The following MAN2A1 variants were observed in gnomAD, a reference collection of about 807,000 sequenced individuals.
MAN2A1 encodes mannosidase alpha class 2A member 1, also known as alpha-mannosidase 2.
MAN2A1 carries 76 observed loss-of-function variants against 142.6 expected under a neutral mutation model. The ratio of observed to expected loss-of-function variants is 0.53; its 90% CI spans 0.44 to 0.65. The LOEUF is 0.65. MAN2A1 is among the 30% of genes least tolerant of loss of function. The probability of loss-of-function intolerance (pLI) is 0.00; values close to 1 mark genes in which losing one functional copy is unlikely to be tolerated. For synonymous variants in MAN2A1, 559 were observed against 473.2 expected (o/e 1.18, Z -2.35); for missense variants, 1,311 against 1,365.1 (o/e 0.96, Z 0.62).
chr5:109,753,915 CTT>C (rs112976223), intron 4 of MAN2A1, among the ~76,000 whole-genome samples: 2 of 144,176 alleles, frequency 1.4e-5, no homozygotes, highest in Non-Finnish European at 1.5e-5. Context: ...TTTTCTTTTT[CTT>C]TTTTTTTTTG....
At chr5:109,713,830 A>G in intron 2 of MAN2A1, 56 bp downstream of exon 2, 1 of 1,506,726 alleles carries the variant, frequency 6.6e-7, no homozygotes, top group Non-Finnish European at 9.0e-7. Flanking sequence ...GTTCTTTTTA[A>G]GATTTGACCT....
At chr5:109,804,201 G>T in intron 12 of MAN2A1, 1 of 987,132 alleles carries the variant, frequency 1.0e-6, no homozygotes, top group Non-Finnish European at 1.2e-6. Context: ...GGATTTTAGT[G>T]AAGGTATCCT....
chr5:109,789,012 AT>A lies in MAN2A1; in HGVS notation c.1840del (p.Tyr614ThrfsTer14). Reference sequence around the variant, plus strand: ...TTCTTATTTTGAAGGACAAACTCACATACGACTCTTACTCTCCTGATACCTT... The same window carrying A: ...TTCTTATTTTGAAGGACAAACTCACAACGACTCTTACTCTCCTGATACCTT... ...FLLILKDKLTYDSYSPDTFLE... is the reference protein window; with the variant it reads ...FLLILKDKLTXDSYSPDTFLE... On this transcript the variant is annotated frameshift_variant, in exon 11 of 22. Transcript: ENST00000261483. LOFTEE classifies it high-confidence loss of function. 1 of 1,601,512 alleles carries A rather than the reference AT, an allele frequency of 6.2e-7. No individual in the cohort carries two copies. Among genetic ancestry groups the A allele is most frequent in the Non-Finnish European group, 8.5e-7 (1 of 1,170,076 alleles).
At chr5:109,732,455 G>A (rs1751943051) in intron 4 of MAN2A1, among the ~76,000 whole-genome samples, 2 of 152,146 alleles carry the variant, frequency 1.3e-5, no homozygotes, top group Admixed American at 6.5e-5. Flanking sequence ...TGTCCTGAAT[G>A]GTAATGCCTA....
At chr5:109,808,278 A>G (rs1308288898) in intron 12 of MAN2A1, among the ~76,000 whole-genome samples, 1 of 152,214 alleles carries the variant, frequency 6.6e-6, no homozygotes, top group Non-Finnish European at 1.5e-5. Context: ...TTTTTCTAAT[A>G]AACACGTAAC....
At chr5:109,783,583 A>AAC (rs1753516679) in intron 9 of MAN2A1, among the ~76,000 whole-genome samples, 1 of 152,146 alleles carries the variant, frequency 6.6e-6, no homozygotes, top group Admixed American at 6.6e-5. Context: ...GTTTAGAGAA[A>AAC]TGCATCATTT....
intron 16 of MAN2A1, among the ~76,000 whole-genome samples, chr5:109,839,193 T>C (rs1755133931): frequency 6.6e-6 from 1 of 152,224 alleles, no homozygotes; most frequent in African/African-American, 2.4e-5. Context: ...TTTTGTGTTT[T>C]GGATGTTTTT....
intron 12 of MAN2A1, among the ~76,000 whole-genome samples, chr5:109,802,298 G>A (rs1171302585): frequency 6.6e-6 from 1 of 152,100 alleles, no homozygotes; most frequent in Non-Finnish European, 1.5e-5. Flanking sequence ...CTGTGCATAT[G>A]TGGCATATTA....
intron 4 of MAN2A1, among the ~76,000 whole-genome samples, chr5:109,741,468 AT>A (rs1230018351): frequency 7.2e-5 from 11 of 152,222 alleles, no homozygotes; most frequent in Admixed American, 3.9e-4. Flanking sequence ...TTACTAATAG[AT>A]TTTTTTGTGT....
chr5:109,737,306 G>A (rs951704259), intron 4 of MAN2A1, among the ~76,000 whole-genome samples: 1 of 151,908 alleles, frequency 6.6e-6, no homozygotes, highest in African/African-American at 2.4e-5. Flanking sequence ...TGGCCAGGCT[G>A]GTCTTGAACT....
At chr5:109,781,963 T>C (rs147170318) in intron 9 of MAN2A1, among the ~76,000 whole-genome samples, 4 of 152,134 alleles carry the variant, frequency 2.6e-5, no homozygotes, top group Admixed American at 6.6e-5. Flanking sequence ...AGGCTTCTCA[T>C]TGGAAACATA....
chr5:109,841,891 C>G (rs185445392), intron 16 of MAN2A1, among the ~76,000 whole-genome samples: 69 of 152,270 alleles, frequency 4.5e-4, no homozygotes, highest in African/African-American at 1.5e-3. Context: ...AGAATGTAAA[C>G]TTTACTGGCT....
At chr5:109,782,833 T>G (rs764671590) in intron 9 of MAN2A1, among the ~76,000 whole-genome samples, 19 of 152,118 alleles carry the variant, frequency 1.2e-4, no homozygotes, top group Non-Finnish European at 1.8e-4. Context: ...ATGTGATATT[T>G]TGATATAAGC....
At position 109,819,817 on chromosome 5, in the gene MAN2A1, A is replaced by G; in HGVS notation, c.2258A>G (p.Asn753Ser). The change falls in exon 14 of 22, where the codon AAT (asparagine) becomes AGT (serine). Residue 753 changes from asparagine to serine, a missense_variant. By Grantham distance (46) the Asn-to-Ser change is conservative. This residue lies in a region of MAN2A1 where 890 missense variants were observed against 920.5 expected (regional missense o/e 0.97). Transcript: ENST00000261483. ...SGIFTIKNMI[N>S]TEEGITLENS... ...ATTTTCACCATAAAGAATATGATAA[A>G]TACTGAAGAAGGTATAACACTAGAG... 2 of 1,611,536 alleles carry G rather than the reference A, an allele frequency of 1.2e-6. No homozygotes were observed. Among genetic ancestry groups the G allele is most frequent in the Non-Finnish European group, 1.7e-6 (2 of 1,178,484 alleles).
intron 3 of MAN2A1, among the ~76,000 whole-genome samples, chr5:109,721,200 T>C (rs2112572313): frequency 6.6e-6 from 1 of 152,330 alleles, no homozygotes; most frequent in South Asian, 2.1e-4. Context: ...GGTTGGTGAA[T>C]TGAAGCTCAG....
rs566749838 is a variant in MAN2A1, at chr5:109,864,963, G to C, written c.3172-73G>C. ...GTGCTTTTGGATGCTGACATCGAGA[G>C]AGTGGTGTGTGAAGTACCATAAATA... On this transcript the variant is annotated intron_variant, in intron 20 of 21. Coordinates refer to ENST00000261483, the MANE Select transcript of MAN2A1 (RefSeq NM_002372.4). The C allele has an allele frequency of 1.4e-4, 144 of 998,960 alleles. 7 individuals carry two copies. The South Asian group carries it at 1.8e-3, about 13-fold the overall frequency. The allele number at this position is 998,960 out of a possible 1,614,324, so 61.9% of individuals were successfully genotyped here.
intron 7 of MAN2A1, among the ~76,000 whole-genome samples, chr5:109,771,891 TG>T (rs550495903): frequency 6.6e-6 from 1 of 152,072 alleles, no homozygotes; most frequent in South Asian, 2.1e-4. Context: ...GTTCTTTTTT[TG>T]GGGGGTGCTA....
intron 12 of MAN2A1, among the ~76,000 whole-genome samples, chr5:109,809,643 G>A (rs961682488): frequency 6.6e-6 from 1 of 152,014 alleles, no homozygotes; most frequent in African/African-American, 2.4e-5. Context: ...TTTGAACAGT[G>A]TAATCTTATT....
At chr5:109,845,678 T>C (rs1229632099) in intron 17 of MAN2A1, among the ~76,000 whole-genome samples, 187 bp from the exon 18 acceptor site, 1 of 152,210 alleles carries the variant, frequency 6.6e-6, no homozygotes, top group Non-Finnish European at 1.5e-5. Context: ...AAAGTTGTTT[T>C]CTAATATCCT....
Sources: allele counts gnomAD v4.1 joint callset (sites outside exome capture counted in the v4.1 genomes callset), GRCh38; gene constraint gnomAD v4.1.1; regional missense constraint gnomAD v4.1.1; transcripts MANE v1.5; gene names NCBI Gene and HGNC (gene_info 2026-07-23, HGNC 2026-07-21).